Variants in SEPTIN9 observed in about 807,000 individuals in gnomAD.
SEPTIN9 encodes the protein septin-9.
Under a neutral mutation model 56.6 loss-of-function variants are expected in SEPTIN9, and 13 were observed. The ratio of observed to expected loss-of-function variants is 0.23; its 90% CI spans 0.15 to 0.37. The LOEUF (loss-of-function observed/expected upper bound fraction) is 0.37. Among genes scored for constraint, SEPTIN9 ranks in the 10% least tolerant of loss-of-function variants. The probability of loss-of-function intolerance (pLI) is 1.00; values close to 1 mark genes in which losing one functional copy is unlikely to be tolerated. For missense variants in SEPTIN9, 650 were observed against 823.1 expected, an observed-to-expected ratio of 0.79 and a Z score of 2.57; for synonymous variants, 332 against 334.1, an observed-to-expected ratio of 0.99 and a Z score of 0.07.
At chr17:77,361,267 T>C (rs1235132034) in intron 2 of SEPTIN9, among the ~76,000 whole-genome samples, 2 of 152,194 alleles carry the variant, frequency 1.3e-5, no homozygotes, top group African/African-American at 4.8e-5. Context: ...AAGATTTGCC[T>C]ACTGATGTCT....
chr17:77,336,802 A>G (rs1200570971), intron 2 of SEPTIN9, among the ~76,000 whole-genome samples: 1 of 152,038 alleles, frequency 6.6e-6, no homozygotes, highest in African/African-American at 2.4e-5. Flanking sequence ...CCAAACTTAT[A>G]ATGTTAACTT....
At position 77,437,089 on chromosome 17, in the gene SEPTIN9, G is replaced by C. The variant is rs901490737; in HGVS notation, c.721+34386G>C. On this transcript the variant is annotated intron_variant, in intron 3 of 11. Coordinates refer to ENST00000427177, the MANE Select transcript of SEPTIN9 (RefSeq NM_001113491.2). This position sits in a 1 kb window ranked among gnomAD's most constrained non-coding sequence, Gnocchi z 5.3. ...GCCAGGCCCAGGGCGCCGACCTCCT[G>C]CTCTGCCTTCCCGTGCCCATTCGGT... 1.3e-5 allele frequency among the ~76,000 whole-genome samples: 2 copies of C among 152,334 alleles called. No individual in the cohort carries two copies. The highest frequency in any genetic ancestry group is 1.9e-4 in the East Asian group (1 of 5,176).
chr17:77,310,009 C>G lies in SEPTIN9; in HGVS notation c.76+2812C>G, dbSNP rs1184555635. Among the ~76,000 whole-genome samples, 1 of 151,286 alleles carries G rather than the reference C, an allele frequency of 6.6e-6. No homozygotes were observed. The highest frequency in any genetic ancestry group is 1.5e-5 in the Non-Finnish European group (1 of 67,882). ...TTTTTTTTTTTTTGAGATAGAGTCT[C>G]GCTCTATCGCCCAGGCTGGAGTGCA... On this transcript the variant is annotated intron_variant, in intron 2 of 11. Coordinates refer to ENST00000427177, the MANE Select transcript of SEPTIN9 (RefSeq NM_001113491.2). This position sits in a 1 kb window ranked among gnomAD's most constrained non-coding sequence, Gnocchi z 4.7.
intron 2 of SEPTIN9, among the ~76,000 whole-genome samples, chr17:77,387,688 G>T (rs1263484941): frequency 6.6e-6 from 1 of 152,078 alleles, no homozygotes; most frequent in East Asian, 1.9e-4. Flanking sequence ...CTTTCCCCTG[G>T]ATCTGCCCCT....
At chr17:77,291,931 C>CT (rs2031575163) in intron 1 of SEPTIN9, among the ~76,000 whole-genome samples, 2 of 152,224 alleles carry the variant, frequency 1.3e-5, no homozygotes, top group South Asian at 4.1e-4. Flanking sequence ...TTTATTAAGA[C>CT]TTTAATGAAC....
intron 2 of SEPTIN9, among the ~76,000 whole-genome samples, chr17:77,364,443 AC>A (rs1410948975): frequency 6.6e-6 from 1 of 152,214 alleles, no homozygotes; most frequent in East Asian, 1.9e-4. Context: ...CTCCTGGGGA[AC>A]CCCCACACAC....
intron 1 of SEPTIN9, among the ~76,000 whole-genome samples, chr17:77,291,044 T>G (rs1478088582): frequency 1.4e-5 from 2 of 144,646 alleles, no homozygotes; most frequent in Non-Finnish European, 1.5e-5. Context: ...TTTTTTTTTT[T>G]TTTTTTTTTG....
intron 1 of SEPTIN9, among the ~76,000 whole-genome samples, chr17:77,285,401 A>G (rs1023587205): frequency 6.6e-6 from 1 of 151,654 alleles, no homozygotes; most frequent in Non-Finnish European, 1.5e-5. Context: ...TTCTTTTTTT[A>G]TTTTTTATTT....
At chr17:77,388,289 C>A (rs1443559190) in intron 2 of SEPTIN9, among the ~76,000 whole-genome samples, 1 of 152,152 alleles carries the variant, frequency 6.6e-6, no homozygotes, top group Admixed American at 6.5e-5. Flanking sequence ...CCAGGCAGCC[C>A]GTCTTCTGGA....
At chr17:77,459,054 G>C (rs1337535940) in intron 3 of SEPTIN9, among the ~76,000 whole-genome samples, 1 of 152,196 alleles carries the variant, frequency 6.6e-6, no homozygotes. Context: ...GCAGTGAACG[G>C]GGCCACGGTC....
In SEPTIN9 at chr17:77,373,503, G is replaced by A. The variant is rs561270550; in HGVS notation, c.77-28556G>A. On this transcript the variant is annotated intron_variant, in intron 2 of 11. Transcript: ENST00000427177. Reference sequence around the variant, plus strand: ...CCCGCTGCCCACCAGCCATCATGTCGGACCCCGCGGTCAACGCGCAGCTGG... The same window carrying A: ...CCCGCTGCCCACCAGCCATCATGTCAGACCCCGCGGTCAACGCGCAGCTGG... 1.8e-5 allele frequency: 28 copies of A among 1,539,410 alleles called. No homozygotes were observed. In the African/African-American group the frequency reaches 2.5e-4, roughly 14 times the overall value.
chr17:77,283,243 C>T (rs1298212329), intron 1 of SEPTIN9, among the ~76,000 whole-genome samples: 1 of 150,022 alleles, frequency 6.7e-6, no homozygotes, highest in African/African-American at 2.5e-5. Context: ...CAGGAACCAA[C>T]TCTTGTACAG....
chr17:77,399,606 G>A (rs1568038198), intron 2 of SEPTIN9, among the ~76,000 whole-genome samples: 2 of 152,190 alleles, frequency 1.3e-5, no homozygotes, highest in Admixed American at 1.3e-4. Context: ...CCATCTGTAC[G>A]GGGGCGGTAA....
At position 77,433,919 on chromosome 17, in the gene SEPTIN9, AG is replaced by A. The variant is rs1163178454; in HGVS notation, c.721+31220del. Among the ~76,000 whole-genome samples the A allele has an allele frequency of 6.6e-6, 1 of 151,968 alleles. No individual in the cohort carries two copies. Among genetic ancestry groups the A allele is most frequent in the Admixed American group, 6.5e-5 (1 of 15,278 alleles). On this transcript the variant is annotated intron_variant, in intron 3 of 11. Coordinates refer to ENST00000427177, the MANE Select transcript of SEPTIN9 (RefSeq NM_001113491.2). This position sits in a 1 kb window ranked among gnomAD's most constrained non-coding sequence, Gnocchi z 6.4. ...TCCGCCCGTTGGTGGATGGGCAGAGAGGGGAGCTTGCTGTGGGGCCTCCCCC... is the reference window on the plus strand; with the variant it reads ...TCCGCCCGTTGGTGGATGGGCAGAGAGGGAGCTTGCTGTGGGGCCTCCCCC...
rs1187546302 is a variant in SEPTIN9, at chr17:77,317,753, C to T, written c.76+10556C>T. Among the ~76,000 whole-genome samples the T allele has an allele frequency of 6.6e-6, 1 of 151,996 alleles. No individual in the cohort carries two copies. Among genetic ancestry groups the T allele is most frequent in the Non-Finnish European group, 1.5e-5 (1 of 68,008 alleles). ...GTAATCCCAGAGTGAAACTCTGTCT[C>T]AAAAAATAAAAAATAAAGGCCAGGC... On this transcript the variant is annotated intron_variant, in intron 2 of 11. Coordinates refer to ENST00000427177, the MANE Select transcript of SEPTIN9 (RefSeq NM_001113491.2). The surrounding 1 kb of genome is among the most constrained non-coding windows in gnomAD (Gnocchi z 4.2).
At chr17:77,335,467 A>G (rs1379771956) in intron 2 of SEPTIN9, among the ~76,000 whole-genome samples, 2 of 151,340 alleles carry the variant, frequency 1.3e-5, no homozygotes, top group African/African-American at 2.4e-5. Context: ...GTCTTGTATT[A>G]GTATATGTAC....
intron 2 of SEPTIN9, among the ~76,000 whole-genome samples, chr17:77,352,907 C>T (rs1190024646): frequency 3.3e-5 from 5 of 152,146 alleles, no homozygotes; most frequent in Non-Finnish European, 7.3e-5. Context: ...ACTTTGCCTC[C>T]CAAAACACTG....
At chr17:77,495,475 A>G (rs980985427) in intron 10 of SEPTIN9, among the ~76,000 whole-genome samples, 1 of 152,206 alleles carries the variant, frequency 6.6e-6, no homozygotes, top group Non-Finnish European at 1.5e-5. Context: ...AACCACCCCA[A>G]GTATTGTCAA....
At chr17:77,495,379 C>T (rs72887193) in intron 10 of SEPTIN9, among the ~76,000 whole-genome samples, 1 of 152,158 alleles carries the variant, frequency 6.6e-6, no homozygotes, top group Non-Finnish European at 1.5e-5. Context: ...CATAGCTGAC[C>T]TGACACCCGG....
Sources: allele counts gnomAD v4.1 joint callset (sites outside exome capture counted in the v4.1 genomes callset), GRCh38; gene constraint gnomAD v4.1.1; non-coding constraint Gnocchi (gnomAD v3.1); transcripts MANE v1.5; gene names NCBI Gene and HGNC (gene_info 2026-07-23, HGNC 2026-07-21).